STK32C: variants seen among roughly 807,000 people sequenced by gnomAD.
STK32C encodes the protein serine/threonine kinase 32C, also known as serine/threonine-protein kinase 32C.
Under a neutral mutation model 56.5 loss-of-function variants are expected in STK32C, and 31 were observed. The ratio of observed to expected loss-of-function variants is 0.55; its 90% CI spans 0.41 to 0.74. STK32C has a LOEUF of 0.74. STK32C is among the 30% of genes least tolerant of loss of function. The pLI is 0.00. For synonymous variants in STK32C, 309 were observed against 289.4 expected (o/e 1.07, Z -0.69); for missense variants, 544 against 676.9 (o/e 0.80, Z 2.18).
chr10:132,302,894 G>T (rs772543198), intron 1 of STK32C, among the ~76,000 whole-genome samples: 125 of 152,112 alleles, frequency 8.2e-4, no homozygotes, highest in Admixed American at 2.0e-3. Context: ...ACCATCACGG[G>T]GCCACTAGAG....
intron 1 of STK32C, among the ~76,000 whole-genome samples, chr10:132,272,614 C>G (rs2064864646): frequency 6.6e-6 from 1 of 152,198 alleles, no homozygotes; most frequent in Non-Finnish European, 1.5e-5. Context: ...TTCCCAGACT[C>G]CGACCGCATC....
upstream of STK32C, among the ~76,000 whole-genome samples, chr10:132,311,661 G>A (rs534004736): frequency 2.0e-5 from 3 of 152,170 alleles, no homozygotes; most frequent in East Asian, 1.9e-4. This position sits in a 1 kb window ranked among gnomAD's most constrained non-coding sequence, Gnocchi z 4.4. Flanking sequence ...TGAGTTCACC[G>A]CTCAGCTCTG....
intron 1 of STK32C, among the ~76,000 whole-genome samples, chr10:132,263,606 C>A (rs2064379245): frequency 6.6e-6 from 1 of 151,872 alleles, no homozygotes; most frequent in African/African-American, 2.4e-5. Flanking sequence ...TTATGTAATC[C>A]CAGCATTTTG....
At chr10:132,222,126 G>C (rs1227530571) in intron 10 of STK32C, among the ~76,000 whole-genome samples, 19 of 103,672 alleles carry the variant, frequency 1.8e-4, no homozygotes, top group Non-Finnish European at 3.2e-4. Context: ...ACCTGATGCT[G>C]ACGCACCTGG....
At chr10:132,299,103 A>C (rs2065839662) in intron 1 of STK32C, among the ~76,000 whole-genome samples, 1 of 151,312 alleles carries the variant, frequency 6.6e-6, no homozygotes, top group African/African-American at 2.4e-5. Context: ...TGGATAGCTG[A>C]TCCACCAGCC....
At position 132,228,461 on chromosome 10, in the gene STK32C, A is replaced by T. The variant is rs1262487574; in HGVS notation, c.319-333T>A. ...GGCTGTTAGTGAAGACCCCTCCCTG[A>T]GACTCAGTCCTGCGTTTCAAGTCTG... On this transcript the variant is annotated intron_variant, in intron 2 of 11. Transcript: ENST00000298630. Among the ~76,000 whole-genome samples, 3 of 152,126 alleles carry T rather than the reference A, an allele frequency of 2.0e-5. No individual in the cohort carries two copies. In the East Asian group the frequency reaches 5.8e-4, roughly 29 times the overall value.
intron 2 of STK32C, among the ~76,000 whole-genome samples, chr10:132,242,863 T>C (rs1379053848): frequency 1.3e-5 from 2 of 152,142 alleles, no homozygotes; most frequent in Non-Finnish European, 2.9e-5. Flanking sequence ...GGCTCCTCCA[T>C]GGCACGTTTG....
intron 10 of STK32C, among the ~76,000 whole-genome samples, chr10:132,210,779 G>T (rs2062268800): frequency 6.6e-6 from 1 of 152,222 alleles, no homozygotes; most frequent in African/African-American, 2.4e-5. Flanking sequence ...TTGGGTTTGG[G>T]GAGCAGCTCA....
chr10:132,218,005 G>A (rs892829668), intron 10 of STK32C, among the ~76,000 whole-genome samples: 20 of 152,078 alleles, frequency 1.3e-4, no homozygotes, highest in Admixed American at 1.0e-3. Context: ...CTCCCTGGTC[G>A]CTTTAAATGT....
At chr10:132,304,801 G>GC (rs2066008404) in intron 1 of STK32C, among the ~76,000 whole-genome samples, 1 of 152,214 alleles carries the variant, frequency 6.6e-6, no homozygotes, top group Non-Finnish European at 1.5e-5. Flanking sequence ...CCGGCCCGGC[G>GC]CCCAGGGCGG....
chr10:132,305,946 C>A (rs538840993), intron 1 of STK32C, among the ~76,000 whole-genome samples: 24 of 152,302 alleles, frequency 1.6e-4, no homozygotes, highest in Non-Finnish European at 2.9e-5. Context: ...CACCGTCAGC[C>A]GAATCTCTGC....
intron 2 of STK32C, among the ~76,000 whole-genome samples, chr10:132,233,826 C>T (rs897627859): frequency 1.3e-5 from 2 of 152,240 alleles, no homozygotes; most frequent in African/African-American, 2.4e-5. Flanking sequence ...AGAACATTGC[C>T]GTGGGGCTAA....
chr10:132,322,125 T>C (rs896143244), downstream of STK32C, among the ~76,000 whole-genome samples: 17 of 152,222 alleles, frequency 1.1e-4, no homozygotes, highest in African/African-American at 3.9e-4. Context: ...TCATCTGAAA[T>C]ACAATCTTGG....
At chr10:132,242,040 G>A (rs1203069748) in intron 2 of STK32C, among the ~76,000 whole-genome samples, 9 of 151,986 alleles carry the variant, frequency 5.9e-5, no homozygotes, top group Non-Finnish European at 8.8e-5. Flanking sequence ...AACCTGGGAG[G>A]TGGATGTCGC....
At chr10:132,331,316 TC>T (rs2138528013) in intron 1 of STK32C, 2 of 979,480 alleles carry the variant, frequency 2.0e-6, no homozygotes, top group East Asian at 5.3e-5. Context: ...ATCAGTTGGA[TC>T]CTGGAATGAA....
Position 132,207,916 on chromosome 10 carries a change from G to A in STK32C, c.*94C>T, listed in dbSNP as rs1438607437. On this transcript the variant is annotated 3_prime_UTR_variant, in exon 12 of 12. Transcript: ENST00000298630. ...GTGGGCACCGCCAGCCAGGCTGGGT[G>A]GGAACGTGAATGCCAGGCCTCGGCC... 2.4e-6 allele frequency: 3 copies of A among 1,233,654 alleles called. No individual in the cohort carries two copies. The highest frequency in any genetic ancestry group is 3.1e-6 in the Non-Finnish European group (3 of 979,174). 76.4% of individuals were successfully genotyped at this position (1,233,654 alleles called of 1,614,324 possible). A position where few individuals can be genotyped will look rare whatever the true frequency, so the allele number is the denominator to read the frequency against.
At chr10:132,311,639 C>T (rs1021204152), upstream of STK32C, among the ~76,000 whole-genome samples, 4 of 152,186 alleles carry the variant, frequency 2.6e-5, no homozygotes, top group Non-Finnish European at 2.9e-5. The surrounding 1 kb of genome is among the most constrained non-coding windows in gnomAD (Gnocchi z 4.4). Flanking sequence ...TGCAGTGCGC[C>T]GGGGCCGAGC....
At chr10:132,232,199 GGA>G (rs1383734159) in intron 2 of STK32C, among the ~76,000 whole-genome samples, 1 of 68,402 alleles carries the variant, frequency 1.5e-5, no homozygotes, top group African/African-American at 5.0e-5. Flanking sequence ...CAGCAGGTGG[GGA>G]GCCTGTCCTG....
chr10:132,331,497 G>A (rs767567434), exon 1 of STK32C: 2 of 1,612,848 alleles, frequency 1.2e-6, no homozygotes, highest in South Asian at 2.2e-5. Flanking sequence ...CAAAGAGGAC[G>A]CTCTGAGTCT....
Sources: gnomAD v4.1 joint callset for allele counts (sites outside exome capture counted in the v4.1 genomes callset) on GRCh38, gnomAD v4.1.1 for gene constraint, Gnocchi (gnomAD v3.1) non-coding constraint, MANE v1.5 for transcripts, NCBI Gene and HGNC (gene_info 2026-07-23, HGNC 2026-07-21) for gene names.